AOX1: variants seen among roughly 807,000 people sequenced by gnomAD.
The protein encoded by AOX1 is aldehyde oxidase 1, also known as aldehyde oxidase.
AOX1 carries 153 observed loss-of-function variants against 169.5 expected under a neutral mutation model. That is an observed-to-expected ratio of 0.90 (90% CI 0.79 to 1.03). The LOEUF (loss-of-function observed/expected upper bound fraction) is 1.03, where lower values mean the gene tolerates loss of function less well. Among genes scored for constraint, AOX1 ranks in the 50% least tolerant of loss-of-function variants. AOX1 has a pLI of 0.00. For missense variants in AOX1, 1,656 were observed against 1,663.9 expected (o/e 1.00, Z 0.08); for synonymous variants, 562 against 581.9 (o/e 0.97, Z 0.49).
At chr2:200,677,972 T>C (rs1047556887), downstream of AOX1, among the ~76,000 whole-genome samples, 1 of 152,166 alleles carries the variant, frequency 6.6e-6, no homozygotes, top group African/African-American at 2.4e-5. Context: ...AGAGGGACCC[T>C]GGCTTTCATT....
At chr2:200,641,217 G>T in intron 24 of AOX1, 33 bp downstream of exon 24, 1 of 1,389,528 alleles carries the variant, frequency 7.2e-7, no homozygotes, top group Non-Finnish European at 1.0e-6. Flanking sequence ...TCACATTCCT[G>T]AAAAGAGTGT....
downstream of AOX1, among the ~76,000 whole-genome samples, chr2:200,672,929 T>A (rs1177318951): frequency 6.6e-6 from 1 of 152,188 alleles, no homozygotes; most frequent in Non-Finnish European, 1.5e-5. Flanking sequence ...GTGGGGCCCA[T>A]GTGGCTAGCA....
At position 200,588,726 on chromosome 2, in the gene AOX1, C is replaced by CTTTTTTTT. The variant is rs71807461; in HGVS notation, c.45+2587_45+2594dup. On this transcript the variant is annotated intron_variant, in intron 1 of 34. Transcript: ENST00000374700. ...CTTACATGGAAAGAACTAGAATAAG[C>CTTTTTTTT]TTTTTTTTTTTTTTTTTTTTTGAGA... Among the ~76,000 whole-genome samples the CTTTTTTTT allele has an allele frequency of 5.4e-4, 29 of 53,986 alleles. 2 individuals are homozygous for CTTTTTTTT. Among genetic ancestry groups the CTTTTTTTT allele is most frequent in the African/African-American group, 1.3e-3 (21 of 16,264 alleles). The allele number at this position is 53,986 out of a possible 152,430, so 35.4% of individuals were successfully genotyped here. A position where few individuals can be genotyped will look rare whatever the true frequency, so the allele number is the denominator to read the frequency against.
At chr2:200,674,158 G>T (rs987547736), downstream of AOX1, among the ~76,000 whole-genome samples, 27 of 152,242 alleles carry the variant, frequency 1.8e-4, 1 homozygote, top group Non-Finnish European at 1.0e-4. Flanking sequence ...ACCTAGAGCT[G>T]CTAGGCAGAG....
rs765127387 is a variant in AOX1 at position 200,636,117 on chromosome 2, C to CTTTTTTTTT, written c.2347-773_2347-765dup. On this transcript the variant is annotated intron_variant, in intron 21 of 34. Coordinates refer to ENST00000374700, the MANE Select transcript of AOX1 (RefSeq NM_001159.4). ...CAATCCAAGCAAGAAGTGAGAAGTG[C>CTTTTTTTTT]TTTTTTTTTTTTTTTTTTTTTTTTT... is the stretch of plus-strand genomic sequence containing the variant. 5.4e-4 allele frequency among the ~76,000 whole-genome samples: 29 copies of CTTTTTTTTT among 53,974 alleles called. 5 individuals carry two copies. Among genetic ancestry groups the CTTTTTTTTT allele is most frequent in the Non-Finnish European group, 8.3e-4 (25 of 30,278 alleles). 35.4% of individuals were successfully genotyped at this position (53,974 alleles called of 152,430 possible).
At chr2:200,614,113 C>A in intron 15 of AOX1, 147 bp downstream of exon 15, 1 of 754,950 alleles carries the variant, frequency 1.3e-6, no homozygotes, top group Non-Finnish European at 2.1e-6. Flanking sequence ...CATCCCTCAG[C>A]CTGTCTGTGG....
At chr2:200,603,799 A>T (rs114357925) in intron 7 of AOX1, among the ~76,000 whole-genome samples, 24,036 of 152,046 alleles carry the variant, frequency 0.16, 2,196 homozygotes, top group Non-Finnish European at 0.21. Context: ...AGGTACAGGG[A>T]GTTGAGGCCT....
At chr2:200,593,077 A>T in intron 1 of AOX1, 69 bp from the exon 2 acceptor site, 1 of 1,194,832 alleles carries the variant, frequency 8.4e-7, no homozygotes, top group Non-Finnish European at 1.2e-6. Context: ...CCCTCAAATT[A>T]GTGTGATCCT....
intron 12 of AOX1, among the ~76,000 whole-genome samples, chr2:200,610,807 G>C (rs1039518158): frequency 2.0e-5 from 3 of 151,984 alleles, no homozygotes; most frequent in Non-Finnish European, 4.4e-5. Flanking sequence ...CTGAAACTCT[G>C]GGCTACTCTG....
At chr2:200,672,257 T>A (rs2036040721), downstream of AOX1, among the ~76,000 whole-genome samples, 1 of 152,240 alleles carries the variant, frequency 6.6e-6, no homozygotes, top group Admixed American at 6.5e-5. Flanking sequence ...GAATTGTAAT[T>A]TTATAAAGGT....
chr2:200,621,761 A>C (rs1025628010), intron 18 of AOX1, among the ~76,000 whole-genome samples: 5 of 130,246 alleles, frequency 3.8e-5, no homozygotes, highest in African/African-American at 1.4e-4. Context: ...ATTTTATTTT[A>C]TTTTATTTTG....
At chr2:200,593,121 AACTC>A (rs1461955271) in intron 1 of AOX1, 21 bp from the exon 2 acceptor site, 1 of 1,587,038 alleles carries the variant, frequency 6.3e-7, no homozygotes, top group Non-Finnish European at 8.6e-7. Flanking sequence ...TCTCTCAACT[AACTC>A]TTATTTTCCC....
In AOX1 at chr2:200,605,561, C is replaced by A; in HGVS notation, c.840C>A (p.Val280=). The change falls in exon 10 of 35, where the codon GTC becomes GTA. Residue 280 remains valine (V), a synonymous_variant. Transcript: ENST00000374700. ...GGCCTGAAGTGAAATTTAAAGGCGT[C>A]TTTCACCCAGTTATAATTTCTCCTG... The part of the protein sequence containing the change: ...SVGPEVKFKG[V]FHPVIISPDR... 2 of 1,548,068 alleles carry A rather than the reference C, an allele frequency of 1.3e-6. No homozygotes were observed. Among genetic ancestry groups the A allele is most frequent in the Non-Finnish European group, 1.7e-6 (2 of 1,148,430 alleles).
chr2:200,618,247 A>G (rs987831158), intron 16 of AOX1, among the ~76,000 whole-genome samples: 1 of 152,232 alleles, frequency 6.6e-6, no homozygotes, highest in African/African-American at 2.4e-5. Context: ...TGAAAAAACA[A>G]AAACTTAGTC....
At chr2:200,677,233 A>G (rs1559267117), downstream of AOX1, among the ~76,000 whole-genome samples, 2 of 152,008 alleles carry the variant, frequency 1.3e-5, no homozygotes, top group East Asian at 1.9e-4. Flanking sequence ...GGAGGGAGGG[A>G]AAAAGGAGGA....
chr2:200,661,455 G>A, intron 29 of AOX1, 124 bp from the exon 30 acceptor site: 1 of 746,344 alleles, frequency 1.3e-6, no homozygotes, highest in Non-Finnish European at 2.3e-6. Context: ...GATTAATCTG[G>A]GTCCTTCCTG....
chr2:200,595,364 A>T lies in AOX1; in HGVS notation c.196A>T (p.Ile66Leu), dbSNP rs767980144. Residue 66 changes from isoleucine (I) to leucine (L), a missense_variant, in exon 3 of 35, where the codon ATA becomes TTA. Transcript: ENST00000374700. The stretch of plus-strand genomic sequence containing the variant: ...ACGATACAACCCCATCACCAAGAGG[A>T]TAAGGTACCGTGCAGCAAAGTCCAG... ...ISRYNPITKR[I>L]RHHPANACLI... is the part of the protein sequence containing the mutation. The T allele has an allele frequency of 6.2e-7, 1 of 1,611,646 alleles. No homozygotes were observed. Among genetic ancestry groups the T allele is most frequent in the South Asian group, 1.1e-5 (1 of 90,790 alleles).
intron 29 of AOX1, among the ~76,000 whole-genome samples, chr2:200,661,186 A>G (rs3815503): frequency 0.05 from 7,604 of 152,324 alleles, 358 homozygotes; most frequent in East Asian, 0.26. Context: ...AATATGAATT[A>G]TAAAATGAAC....
At chr2:200,607,793 A>T (rs1423627152) in intron 10 of AOX1, among the ~76,000 whole-genome samples, 1 of 152,232 alleles carries the variant, frequency 6.6e-6, no homozygotes, top group Non-Finnish European at 1.5e-5. Flanking sequence ...AGCCATAAAA[A>T]AGAATGAGAT....
Sources: gnomAD v4.1 joint callset for allele counts (sites outside exome capture counted in the v4.1 genomes callset) on GRCh38, gnomAD v4.1.1 for gene constraint, MANE v1.5 for transcripts, NCBI Gene and HGNC (gene_info 2026-07-23, HGNC 2026-07-21) for gene names.